ANO4: variants seen among roughly 807,000 people sequenced by gnomAD.
ANO4 encodes anoctamin-4.
A neutral mutation model predicts 141.9 loss-of-function variants in ANO4; 69 were observed. That is an observed-to-expected ratio of 0.49 (90% confidence interval 0.40 to 0.59). The LOEUF (loss-of-function observed/expected upper bound fraction) is 0.59, where lower values mean the gene tolerates loss of function less well. Among genes scored for constraint, ANO4 ranks in the 20% least tolerant of loss-of-function variants. The pLI, the probability that ANO4 is intolerant of heterozygous loss-of-function variation, is 0.00. For missense variants in ANO4, 894 were observed against 1,162.2 expected (o/e 0.77, Z 3.36); for synonymous variants, 350 against 394.3 (o/e 0.89, Z 1.33).
At chr12:100,751,358 T>C (rs905428196) in intron 3 of ANO4, among the ~76,000 whole-genome samples, 1 of 152,032 alleles carries the variant, frequency 6.6e-6, no homozygotes, top group African/African-American at 2.4e-5. Flanking sequence ...AGGCCCAGAA[T>C]CTGAGCAGGT....
Position 100,942,432 on chromosome 12 carries a change from G to C in ANO4, c.353G>C (p.Arg118Pro). ...NGLYFRDGKC[R>P]IDYILVYRKS... ...CTTTACTTTCGAGATGGAAAGTGTC[G>C]AATTGACTACATCCTTGTGTACAGA... Residue 118 changes from arginine (R) to proline (P), a missense_variant, in exon 5 of 28, where the codon CGA becomes CCA. Around this residue, in one of 2 missense-constraint regions of ANO4, gnomAD observed 257 missense variants for 253.0 expected, o/e 1.02. Coordinates refer to ENST00000392977, the MANE Select transcript of ANO4 (RefSeq NM_001286615.2). 6.2e-7 allele frequency: 1 copy of C among 1,614,016 alleles called. No individual in the cohort carries two copies.
chr12:100,908,787 G>C lies in ANO4; in HGVS notation c.55+6947G>C, dbSNP rs76611468. Among the ~76,000 whole-genome samples, 251 of 152,264 alleles carry C rather than the reference G, an allele frequency of 1.6e-3. 1 individual carries two copies. Among genetic ancestry groups the C allele is most frequent in the African/African-American group, 5.8e-3 (243 of 41,556 alleles). On this transcript the variant is annotated intron_variant, in intron 2 of 27. Coordinates refer to ENST00000392977, the MANE Select transcript of ANO4 (RefSeq NM_001286615.2). ...AAAGTTAATAATCCCTGTTCCCGAA[G>C]TGTTCTCTAAGGCCCACTCGGATTG...
intron 1 of ANO4, among the ~76,000 whole-genome samples, chr12:100,896,719 G>A (rs2040371086): frequency 6.6e-6 from 1 of 152,206 alleles, no homozygotes; most frequent in Non-Finnish European, 1.5e-5. Flanking sequence ...AGAAGCTTAA[G>A]TGTCATGAAA....
chr12:100,842,906 G>A (rs569077878), intron 1 of ANO4, among the ~76,000 whole-genome samples: 1 of 152,002 alleles, frequency 6.6e-6, no homozygotes, highest in East Asian at 1.9e-4. Context: ...CTTTTGGAGG[G>A]GACACAAACT....
chr12:100,719,791 G>A (rs745769522), intron 1 of ANO4, among the ~76,000 whole-genome samples: 7 of 152,044 alleles, frequency 4.6e-5, no homozygotes, highest in Non-Finnish European at 1.0e-4. Context: ...TTCTGATCCC[G>A]TTCTTTCTGC....
chr12:100,781,546 C>A (rs1405766482), intron 3 of ANO4, among the ~76,000 whole-genome samples: 1 of 152,062 alleles, frequency 6.6e-6, no homozygotes, highest in Non-Finnish European at 1.5e-5. Context: ...AATCATCCAC[C>A]CAGCTTGCTT....
chr12:100,781,370 A>C (rs2033705591), intron 3 of ANO4, among the ~76,000 whole-genome samples: 2 of 152,194 alleles, frequency 1.3e-5, no homozygotes, highest in African/African-American at 4.8e-5. Context: ...TAGAGGCTTC[A>C]GGTATCCAGG....
intron 5 of ANO4, among the ~76,000 whole-genome samples, chr12:100,956,009 A>G (rs544801564): frequency 6.6e-6 from 1 of 152,204 alleles, no homozygotes; most frequent in East Asian, 1.9e-4. Flanking sequence ...TTCACATTAT[A>G]TATGCTCGCT....
chr12:100,905,987 C>A (rs968054162), intron 2 of ANO4, among the ~76,000 whole-genome samples: 6 of 151,692 alleles, frequency 4.0e-5, no homozygotes, highest in African/African-American at 1.5e-4. Context: ...GAGAATGGAG[C>A]CACAGGGAGA....
chr12:101,032,943 T>C (rs2136564958), intron 9 of ANO4, among the ~76,000 whole-genome samples: 1 of 151,934 alleles, frequency 6.6e-6, no homozygotes, highest in Middle Eastern at 3.4e-3. Flanking sequence ...AGAAATACCA[T>C]TTGACCCAGC....
intron 3 of ANO4, among the ~76,000 whole-genome samples, chr12:100,929,457 T>G (rs1403152660): frequency 3.9e-5 from 6 of 152,200 alleles, no homozygotes; most frequent in Non-Finnish European, 7.3e-5. Context: ...CTCATATTTT[T>G]ATAGCTGAAT....
intron 14 of ANO4, among the ~76,000 whole-genome samples, chr12:101,072,987 G>A (rs1393634047): frequency 2.6e-5 from 4 of 152,116 alleles, no homozygotes; most frequent in South Asian, 2.1e-4. Flanking sequence ...CTGTTCATGG[G>A]AGTGTAAACC....
At chr12:100,724,863 T>C (rs1290355082) in intron 1 of ANO4, among the ~76,000 whole-genome samples, 1 of 152,230 alleles carries the variant, frequency 6.6e-6, no homozygotes, top group Non-Finnish European at 1.5e-5. Flanking sequence ...AACACATTGA[T>C]ATTTCTGAGG....
At chr12:101,126,854 G>A (rs760031190) in intron 26 of ANO4, 25 bp from the exon 27 acceptor site, 10 of 1,579,366 alleles carry the variant, frequency 6.3e-6, no homozygotes, top group Middle Eastern at 1.7e-4. Context: ...TAGACCTGAC[G>A]CTGTTACATT....
chr12:100,947,406 A>G (rs1279585330), intron 5 of ANO4, among the ~76,000 whole-genome samples: 1 of 152,176 alleles, frequency 6.6e-6, no homozygotes, highest in Non-Finnish European at 1.5e-5. Context: ...TGTCCTGTCC[A>G]TACTCATTGG....
intron 5 of ANO4, among the ~76,000 whole-genome samples, chr12:100,957,894 G>C (rs1042215087): frequency 6.6e-6 from 1 of 152,192 alleles, no homozygotes; most frequent in Non-Finnish European, 1.5e-5. Flanking sequence ...TTTTAGTAGA[G>C]ATGGGGTTTC....
intron 1 of ANO4, among the ~76,000 whole-genome samples, chr12:100,866,073 C>A (rs1246230269): frequency 6.6e-6 from 1 of 152,138 alleles, no homozygotes; most frequent in Non-Finnish European, 1.5e-5. Flanking sequence ...CAGTCAGCCT[C>A]TAGAGTGGAG....
chr12:100,724,023 A>AG (rs2030986517), intron 1 of ANO4, among the ~76,000 whole-genome samples: 1 of 101,666 alleles, frequency 9.8e-6, no homozygotes, highest in Non-Finnish European at 1.8e-5. Flanking sequence ...AAAACAAACA[A>AG]AAAACAAAAA....
intron 3 of ANO4, among the ~76,000 whole-genome samples, chr12:100,782,884 A>G (rs1036013617): frequency 6.6e-6 from 1 of 152,208 alleles, no homozygotes; most frequent in African/African-American, 2.4e-5. Context: ...TCAAGCTCAC[A>G]TATTTCCCAA....
Sources: allele counts gnomAD v4.1 joint callset (sites outside exome capture counted in the v4.1 genomes callset), GRCh38; gene constraint gnomAD v4.1.1; regional missense constraint gnomAD v4.1.1; transcripts MANE v1.5; gene names NCBI Gene and HGNC (gene_info 2026-07-23, HGNC 2026-07-21).